Variants in ATF6 observed in about 807,000 individuals in gnomAD.
The protein encoded by ATF6 is activating transcription factor 6.
Under a neutral mutation model 83.6 loss-of-function variants are expected in ATF6, and 53 were observed. The ratio of observed to expected loss-of-function variants is 0.63; its 90% CI spans 0.51 to 0.80. ATF6 has a LOEUF of 0.80. Ranked by LOEUF, ATF6 falls within the 30% of genes least tolerant of loss-of-function variation. The pLI is 0.00. For missense variants in ATF6, 744 were observed against 797.9 expected (o/e 0.93, Z 0.81); for synonymous variants, 288 against 285.8 (o/e 1.01, Z -0.08).
rs775377146 is a variant in ATF6, at chr1:161,819,770, G to C, written c.1047G>C (p.Lys349Asn). The C allele has an allele frequency of 6.2e-7, 1 of 1,612,566 alleles. No homozygotes were observed. Among genetic ancestry groups the C allele is most frequent in the Admixed American group, 1.7e-5 (1 of 59,774 alleles). The change falls in exon 8 of 16, where the codon AAG becomes AAC. Residue 349 changes from lysine (K) to asparagine (N), a missense_variant. Coordinates refer to ENST00000367942, the MANE Select transcript of ATF6 (RefSeq NM_007348.4). ...KAALSENEQL[K>N]KENGTLKRQL... Reference sequence around the variant, plus strand: ...CCCTCTCAGAAAACGAGCAACTGAAGAAAGAAAATGGAACACTGAAGCGGC... The same window carrying C: ...CCCTCTCAGAAAACGAGCAACTGAACAAAGAAAATGGAACACTGAAGCGGC...
At chr1:161,864,713 C>T (rs940501752) in intron 14 of ATF6, among the ~76,000 whole-genome samples, 6 of 152,202 alleles carry the variant, frequency 3.9e-5, no homozygotes, top group Admixed American at 6.5e-5. Context: ...CTTACTCTAT[C>T]AGACATAACT....
intron 9 of ATF6, among the ~76,000 whole-genome samples, chr1:161,842,704 C>T (rs1248699136): frequency 1.3e-5 from 2 of 152,072 alleles, no homozygotes; most frequent in East Asian, 1.9e-4. Context: ...CACTAAACAA[C>T]GTACTCATCT....
intron 6 of ATF6, 26 bp from the exon 7 acceptor site, chr1:161,802,026 G>T: frequency 1.2e-6 from 2 of 1,611,530 alleles, no homozygotes; most frequent in South Asian, 1.1e-5. Context: ...TGTACCCTTT[G>T]ATTCCTTTTC....
intron 15 of ATF6, among the ~76,000 whole-genome samples, chr1:161,916,066 TTTTCACCCTTACCAAGCTTTTGCCA>T (rs923897238): frequency 6.6e-6 from 1 of 152,228 alleles, no homozygotes; most frequent in African/African-American, 2.4e-5. Context: ...TTCTGTCTTC[TTTTCACCCTTACCAAGCTTTTGCCA>T]TTTCACTTCA....
chr1:161,915,471 A>T (rs1376925639), intron 15 of ATF6, among the ~76,000 whole-genome samples: 2 of 152,192 alleles, frequency 1.3e-5, no homozygotes, highest in African/African-American at 4.8e-5. Flanking sequence ...TCCTTAAGAC[A>T]TCATTGCCAA....
intron 9 of ATF6, among the ~76,000 whole-genome samples, chr1:161,842,000 A>G (rs920874955): frequency 1.3e-5 from 2 of 152,244 alleles, no homozygotes; most frequent in African/African-American, 4.8e-5. Flanking sequence ...AAAATCATTA[A>G]AAGAACAATG....
At chr1:161,893,878 T>C (rs1687614051) in intron 14 of ATF6, among the ~76,000 whole-genome samples, 1 of 152,216 alleles carries the variant, frequency 6.6e-6, no homozygotes, top group Non-Finnish European at 1.5e-5. Flanking sequence ...ACTGTCAAGC[T>C]TTATGACAGA....
chr1:161,849,810 C>T (rs1272661785), intron 10 of ATF6, among the ~76,000 whole-genome samples: 1 of 152,176 alleles, frequency 6.6e-6, no homozygotes, highest in African/African-American at 2.4e-5. Context: ...ATCCAATAGT[C>T]TCTTTGACAT....
At chr1:161,845,456 C>T (rs1686462152) in intron 9 of ATF6, among the ~76,000 whole-genome samples, 1 of 152,050 alleles carries the variant, frequency 6.6e-6, no homozygotes, top group African/African-American at 2.4e-5. Context: ...AGTTCCTAAG[C>T]ACTATTAATG....
intron 15 of ATF6, among the ~76,000 whole-genome samples, chr1:161,945,275 GA>G (rs1477175214): frequency 6.6e-6 from 1 of 152,152 alleles, no homozygotes; most frequent in Non-Finnish European, 1.5e-5. Context: ...GCATTTATTT[GA>G]AAACAAAATG....
chr1:161,869,309 A>G (rs1202334116), intron 14 of ATF6, among the ~76,000 whole-genome samples: 2 of 151,974 alleles, frequency 1.3e-5, no homozygotes, highest in African/African-American at 4.8e-5. Context: ...ACATATGTAT[A>G]TATATAAAAA....
chr1:161,767,714 T>C (rs1277594684), intron 1 of ATF6, among the ~76,000 whole-genome samples: 1 of 152,242 alleles, frequency 6.6e-6, no homozygotes, highest in Non-Finnish European at 1.5e-5. Context: ...TAGCATCTAT[T>C]CTATAATGCT....
chr1:161,930,487 T>G (rs1688409074), intron 15 of ATF6, among the ~76,000 whole-genome samples: 1 of 152,214 alleles, frequency 6.6e-6, no homozygotes, highest in Non-Finnish European at 1.5e-5. Flanking sequence ...CTTACGTTTC[T>G]TTCAAAAATA....
chr1:161,909,165 A>G (rs1687937067), intron 14 of ATF6, among the ~76,000 whole-genome samples: 2 of 152,226 alleles, frequency 1.3e-5, no homozygotes, highest in Admixed American at 6.5e-5. Context: ...AGATCTAATG[A>G]TAGCTACTTA....
chr1:161,776,683 A>G (rs541937973), intron 1 of ATF6, among the ~76,000 whole-genome samples: 1 of 152,344 alleles, frequency 6.6e-6, no homozygotes, highest in East Asian at 1.9e-4. Flanking sequence ...AGGACAAAGC[A>G]GTAGGAGGTT....
At chr1:161,917,763 A>T (rs1002501625) in intron 15 of ATF6, among the ~76,000 whole-genome samples, 2 of 152,228 alleles carry the variant, frequency 1.3e-5, no homozygotes, top group Non-Finnish European at 2.9e-5. Context: ...AACAAAGTTA[A>T]TATACATTGA....
rs201554630 is a variant in ATF6, at chr1:161,846,536, G to T, written c.1275G>T (p.Glu425Asp). The change falls in exon 10 of 16, where the codon GAG (glutamate) becomes GAT (aspartate). Residue 425 changes from glutamate to aspartate, a missense_variant. Transcript: ENST00000367942. The stretch of plus-strand genomic sequence containing the variant: ...ACCTTCTAGGATTTTCTGCTAAAGA[G>T]GCACAGGACACATCAGATGGTATTA... Reference protein sequence around the residue: ...RRHLLGFSAKEAQDTSDGIIQ... With the variant: ...RRHLLGFSAKDAQDTSDGIIQ... 5.6e-5 allele frequency: 90 copies of T among 1,611,452 alleles called. 1 individual carries two copies. Among genetic ancestry groups the T allele is most frequent in the Non-Finnish European group, 7.5e-5 (88 of 1,178,452 alleles).
intron 15 of ATF6, among the ~76,000 whole-genome samples, chr1:161,934,330 A>C (rs1000933909): frequency 6.6e-6 from 1 of 152,224 alleles, no homozygotes; most frequent in African/African-American, 2.4e-5. Flanking sequence ...GCACCAAAGA[A>C]TTAGCAGGAA....
chr1:161,881,203 A>T (rs1332086885), intron 14 of ATF6, among the ~76,000 whole-genome samples: 1 of 152,074 alleles, frequency 6.6e-6, no homozygotes. Flanking sequence ...ATGGGTCAGG[A>T]GTCCAGGCAT....
Sources: gnomAD v4.1 joint callset for allele counts (sites outside exome capture counted in the v4.1 genomes callset) on GRCh38, gnomAD v4.1.1 for gene constraint, MANE v1.5 for transcripts, NCBI Gene and HGNC (gene_info 2026-07-23, HGNC 2026-07-21) for gene names.